PPFIA2: variants seen among roughly 807,000 people sequenced by gnomAD.
PPFIA2 encodes PPFI scaffold protein A2, also known as liprin-alpha-2.
Under a neutral mutation model 175.5 loss-of-function variants are expected in PPFIA2, and 46 were observed. That is an observed-to-expected ratio of 0.26 (90% CI 0.21 to 0.34). PPFIA2 has a LOEUF of 0.34. Among genes scored for constraint, PPFIA2 ranks in the 10% least tolerant of loss-of-function variants. PPFIA2 has a pLI of 1.00. For missense variants in PPFIA2, 1,179 were observed against 1,506.1 expected, an observed-to-expected ratio of 0.78 and a Z score of 3.60; for synonymous variants, 568 against 511.4, an observed-to-expected ratio of 1.11 and a Z score of -1.49.
chr12:81,700,400 T>A (rs952533398), intron 3 of PPFIA2, among the ~76,000 whole-genome samples: 1 of 152,120 alleles, frequency 6.6e-6, no homozygotes, highest in Non-Finnish European at 1.5e-5. Context: ...AAAATTCCCA[T>A]TCTCATGCTT....
intron 7 of PPFIA2, among the ~76,000 whole-genome samples, chr12:81,422,586 A>T (rs1284595410): frequency 6.6e-6 from 1 of 152,088 alleles, no homozygotes; most frequent in African/African-American, 2.4e-5. Flanking sequence ...TAAACAAGTC[A>T]CTTCTTACAT....
At chr12:81,694,998 C>A (rs2075728942) in intron 3 of PPFIA2, among the ~76,000 whole-genome samples, 1 of 152,134 alleles carries the variant, frequency 6.6e-6, no homozygotes, top group African/African-American at 2.4e-5. Flanking sequence ...TGGCTAATTT[C>A]TCCTTATTGG....
At chr12:81,479,373 T>G (rs1442162559) in intron 4 of PPFIA2, among the ~76,000 whole-genome samples, 1 of 152,212 alleles carries the variant, frequency 6.6e-6, no homozygotes, top group Non-Finnish European at 1.5e-5. Flanking sequence ...GTCTTGACTC[T>G]TTATCCAATT....
At chr12:81,438,115 T>C (rs2049429905) in intron 7 of PPFIA2, among the ~76,000 whole-genome samples, 1 of 152,202 alleles carries the variant, frequency 6.6e-6, no homozygotes, top group Admixed American at 6.5e-5. Flanking sequence ...GGTTAAATTG[T>C]TATGGCTGGG....
chr12:81,665,747 A>C (rs1226239678), intron 4 of PPFIA2, among the ~76,000 whole-genome samples: 2 of 152,060 alleles, frequency 1.3e-5, no homozygotes, highest in African/African-American at 4.8e-5. Flanking sequence ...TGGCAACAAA[A>C]GCCAAAATTG....
chr12:81,319,877 CTTCTTT>C (rs2053270404), intron 22 of PPFIA2, among the ~76,000 whole-genome samples: 2 of 151,828 alleles, frequency 1.3e-5, no homozygotes, highest in Non-Finnish European at 2.9e-5. Flanking sequence ...CAAGTGAATC[CTTCTTT>C]TTGCTTTATC....
At chr12:81,354,897 C>T (rs983613907) in intron 16 of PPFIA2, among the ~76,000 whole-genome samples, 1 of 152,096 alleles carries the variant, frequency 6.6e-6, no homozygotes, top group African/African-American at 2.4e-5. Flanking sequence ...CCTGCCTCAG[C>T]CTCTCAAAGT....
At chr12:81,312,162 A>G (rs1459448000) in intron 22 of PPFIA2, 4 of 1,535,062 alleles carry the variant, frequency 2.6e-6, no homozygotes, top group East Asian at 2.4e-5. Context: ...CAACTTACCC[A>G]GATGTGCTTT....
At chr12:81,338,994 T>C (rs1372068108) in intron 21 of PPFIA2, among the ~76,000 whole-genome samples, 186 bp downstream of exon 21, 3 of 152,138 alleles carry the variant, frequency 2.0e-5, no homozygotes, top group African/African-American at 7.2e-5. Flanking sequence ...CAATACCCTT[T>C]CACTAAGTTG....
chr12:81,379,973 T>C lies in PPFIA2; in HGVS notation c.985-4031A>G, dbSNP rs1037593255. 2.0e-5 allele frequency among the ~76,000 whole-genome samples: 3 copies of C among 152,236 alleles called. 1 individual carries two copies. The highest frequency in any genetic ancestry group is 7.2e-5 in the African/African-American group (3 of 41,472). On this transcript the variant is annotated intron_variant, in intron 9 of 32. Coordinates refer to ENST00000549396, the MANE Select transcript of PPFIA2 (RefSeq NM_003625.5). Reference sequence around the variant, plus strand: ...TTGTTTTTTCTTATTTCCTAATTTTTACTCAATTATTACAACATACATTTA... The same window carrying C: ...TTGTTTTTTCTTATTTCCTAATTTTCACTCAATTATTACAACATACATTTA...
At chr12:81,314,851 G>A (rs1219001564) in intron 22 of PPFIA2, among the ~76,000 whole-genome samples, 1 of 146,916 alleles carries the variant, frequency 6.8e-6, no homozygotes, top group Non-Finnish European at 1.5e-5. Flanking sequence ...AACTGAAATG[G>A]AAAAGTAAAA....
intron 4 of PPFIA2, among the ~76,000 whole-genome samples, chr12:81,467,489 GA>G (rs1278169711): frequency 6.6e-6 from 1 of 152,104 alleles, no homozygotes; most frequent in Non-Finnish European, 1.5e-5. Flanking sequence ...AGGAGTTCGA[GA>G]ACAGCCTGGG....
intron 3 of PPFIA2, among the ~76,000 whole-genome samples, chr12:81,716,404 C>T (rs1279813760): frequency 1.3e-5 from 2 of 151,646 alleles, no homozygotes; most frequent in Non-Finnish European, 2.9e-5. Flanking sequence ...GAACTATAGT[C>T]TAAATACTGA....
At chr12:81,611,617 A>C (rs1271302975) in intron 4 of PPFIA2, among the ~76,000 whole-genome samples, 6 of 152,098 alleles carry the variant, frequency 3.9e-5, no homozygotes, top group Non-Finnish European at 8.8e-5. Context: ...CAGCATGTGG[A>C]AGGGTTTGCA....
chr12:81,267,262 C>A (rs1195384781), intron 29 of PPFIA2: 1 of 573,736 alleles, frequency 1.7e-6, no homozygotes. Flanking sequence ...GGTCAAGAGG[C>A]TTTGGCCTCA....
chr12:81,286,124 C>A (rs1360436434), intron 24 of PPFIA2, among the ~76,000 whole-genome samples: 1 of 151,408 alleles, frequency 6.6e-6, no homozygotes, highest in Non-Finnish European at 1.5e-5. Context: ...GCTTATAGGA[C>A]AAGGATATAA....
At chr12:81,698,127 G>A (rs576112514) in intron 3 of PPFIA2, among the ~76,000 whole-genome samples, 3 of 152,182 alleles carry the variant, frequency 2.0e-5, no homozygotes, top group South Asian at 2.1e-4. Flanking sequence ...TTTCTGATTC[G>A]ATAGGCCAGG....
intron 10 of PPFIA2, 121 bp downstream of exon 10, chr12:81,375,675 T>C: frequency 9.4e-7 from 1 of 1,063,612 alleles, no homozygotes; most frequent in Non-Finnish European, 1.4e-6. Context: ...CTAGAGAATT[T>C]CAAATTTTAG....
chr12:81,543,876 A>G (rs942036314), intron 4 of PPFIA2, among the ~76,000 whole-genome samples: 1 of 152,120 alleles, frequency 6.6e-6, no homozygotes, highest in Non-Finnish European at 1.5e-5. Flanking sequence ...TAAGAAAAAT[A>G]TCAGACAAAT....
Sources: gnomAD v4.1 joint callset for allele counts (sites outside exome capture counted in the v4.1 genomes callset) on GRCh38, gnomAD v4.1.1 for gene constraint, MANE v1.5 for transcripts, NCBI Gene and HGNC (gene_info 2026-07-23, HGNC 2026-07-21) for gene names.